Variants in L3MBTL4 observed in about 807,000 individuals in gnomAD.
L3MBTL4 encodes the protein L3MBTL histone methyl-lysine binding protein 4.
Under a neutral mutation model 84.5 loss-of-function variants are expected in L3MBTL4, and 70 were observed. The ratio of observed to expected loss-of-function variants is 0.83; its 90% CI spans 0.68 to 1.01. The LOEUF (loss-of-function observed/expected upper bound fraction) is 1.01, where lower values mean the gene tolerates loss of function less well. L3MBTL4 is among the 50% of genes least tolerant of loss of function. L3MBTL4 has a pLI of 0.00. For missense variants in L3MBTL4, 715 were observed against 754.8 expected (o/e 0.95, Z 0.62); for synonymous variants, 274 against 259.8 (o/e 1.05, Z -0.52).
At position 5,956,032 on chromosome 18, in the gene L3MBTL4, C is replaced by T; in HGVS notation, c.*188G>A. The T allele has an allele frequency of 1.7e-6, 1 of 574,088 alleles. No homozygotes were observed. The highest frequency in any genetic ancestry group is 3.1e-6 in the Non-Finnish European group (1 of 327,480). The allele number at this position is 574,088 out of a possible 1,614,324, so 35.6% of individuals were successfully genotyped here. ...AACCAAACCCACAGATGGGCCTAAG[C>T]CTCTGAGTCATTGGCACTGGACCAG... On this transcript the variant is annotated 3_prime_UTR_variant, in exon 19 of 19. Coordinates refer to ENST00000317931, the MANE Select transcript of L3MBTL4 (RefSeq NM_001330559.2).
intron 14 of L3MBTL4, among the ~76,000 whole-genome samples, chr18:6,103,994 G>A (rs1034684976): frequency 1.2e-4 from 19 of 152,256 alleles, no homozygotes; most frequent in Non-Finnish European, 2.6e-4. Flanking sequence ...CATGCTCTGC[G>A]GAGTCCTGTG....
rs201529911 is a variant in L3MBTL4 at position 6,071,744 on chromosome 18, GGAAAGAAAGAAAGAAAAAAAGAAA to G, written c.1444+9113_1444+9136del. ...AAGAAAGAAGGAAAGAAAGAAGGAA[GGAAAGAAAGAAAGAAAAAAAGAAA>G]GAAAGAAAGAAAGAAAGAAAGAAAG... On this transcript the variant is annotated intron_variant, in intron 16 of 18. Coordinates refer to ENST00000317931, the MANE Select transcript of L3MBTL4 (RefSeq NM_001330559.2). Among the ~76,000 whole-genome samples the G allele has an allele frequency of 1.7e-4, 7 of 40,104 alleles. No homozygotes were observed. In the South Asian group the frequency reaches 3.4e-3, roughly 19 times the overall value. The allele number at this position is 40,104 out of a possible 152,430, so 26.3% of individuals were successfully genotyped here. A position where few individuals can be genotyped will look rare whatever the true frequency, so the allele number is the denominator to read the frequency against.
At position 6,068,235 on chromosome 18, in the gene L3MBTL4, A is replaced by G. The variant is rs77639918; in HGVS notation, c.1444+12646T>C. ...TGGTGTACACCTTTTTATTTATTTA[A>G]TTTTTTCCCAGTATTTTATTTACTA... On this transcript the variant is annotated intron_variant, in intron 16 of 18. Transcript: ENST00000317931. Among the ~76,000 whole-genome samples the G allele has an allele frequency of 4.2e-3, 644 of 151,858 alleles. 11 individuals carry two copies. Among genetic ancestry groups the G allele is most frequent in the East Asian group, 0.04 (207 of 5,148 alleles).
chr18:5,972,877 T>C lies in L3MBTL4; in HGVS notation c.1445-3315A>G, dbSNP rs1230703453. ...TAGAATAGTATAGAATAGAATAGAA[T>C]AGAATAGAACAGAAGAGAATAGAAT... On this transcript the variant is annotated intron_variant, in intron 16 of 18. Transcript: ENST00000317931. Among the ~76,000 whole-genome samples, 7 of 76,238 alleles carry C rather than the reference T, an allele frequency of 9.2e-5. No individual in the cohort carries two copies. In the South Asian group the frequency reaches 2.7e-3, roughly 30 times the overall value. The allele number at this position is 76,238 out of a possible 152,430, so 50.0% of individuals were successfully genotyped here. A position where few individuals can be genotyped will look rare whatever the true frequency, so the allele number is the denominator to read the frequency against.
chr18:6,389,068 T>C (rs1389540657), intron 1 of L3MBTL4, among the ~76,000 whole-genome samples: 1 of 152,188 alleles, frequency 6.6e-6, no homozygotes, highest in Non-Finnish European at 1.5e-5. Context: ...GGTATCACTT[T>C]TAAAATAATG....
At chr18:6,331,300 C>A (rs750257874) in intron 1 of L3MBTL4, among the ~76,000 whole-genome samples, 2 of 152,122 alleles carry the variant, frequency 1.3e-5, no homozygotes, top group African/African-American at 2.4e-5. Context: ...TGGACCACCC[C>A]ATTAAAACAC....
At chr18:6,322,905 G>T (rs140507921) in intron 1 of L3MBTL4, among the ~76,000 whole-genome samples, 1 of 152,182 alleles carries the variant, frequency 6.6e-6, no homozygotes, top group Non-Finnish European at 1.5e-5. Context: ...GTAATCCTCA[G>T]TGTTGGAGGT....
At chr18:5,962,102 G>A (rs2095266458) in intron 17 of L3MBTL4, among the ~76,000 whole-genome samples, 2 of 152,142 alleles carry the variant, frequency 1.3e-5, no homozygotes, top group Admixed American at 1.3e-4. Context: ...ATTAGCGGTG[G>A]AGGATTGAGG....
intron 16 of L3MBTL4, among the ~76,000 whole-genome samples, chr18:6,027,559 G>C (rs2055568936): frequency 6.6e-6 from 1 of 152,182 alleles, no homozygotes; most frequent in Non-Finnish European, 1.5e-5. Flanking sequence ...CCCAGTAATG[G>C]GATTGCTGGG....
chr18:6,409,207 A>C (rs2055863756), intron 1 of L3MBTL4, among the ~76,000 whole-genome samples: 1 of 152,190 alleles, frequency 6.6e-6, no homozygotes, highest in Non-Finnish European at 1.5e-5. Context: ...ATGGGCTTTA[A>C]TTGGCATCAG....
chr18:6,131,786 A>G (rs2059885676), intron 14 of L3MBTL4, among the ~76,000 whole-genome samples: 1 of 152,206 alleles, frequency 6.6e-6, no homozygotes, highest in Non-Finnish European at 1.5e-5. Context: ...AAAAGATACT[A>G]TCCAAGGTTG....
intron 1 of L3MBTL4, among the ~76,000 whole-genome samples, chr18:6,313,785 T>A (rs976930607): frequency 4.6e-5 from 7 of 152,104 alleles, no homozygotes; most frequent in Non-Finnish European, 8.8e-5. Flanking sequence ...TTGATTTGTT[T>A]AAAACAGCAA....
chr18:6,409,179 A>G (rs186385384), intron 1 of L3MBTL4, among the ~76,000 whole-genome samples: 11 of 152,360 alleles, frequency 7.2e-5, no homozygotes, highest in African/African-American at 2.2e-4. Context: ...CAGGAGTCAG[A>G]TAGCTGCTCT....
intron 12 of L3MBTL4, among the ~76,000 whole-genome samples, chr18:6,188,843 G>A (rs538400246): frequency 2.6e-5 from 4 of 152,354 alleles, no homozygotes; most frequent in African/African-American, 9.6e-5. Flanking sequence ...GATCACTAGA[G>A]GGAGTACAGG....
chr18:6,012,755 A>C (rs2054795147), intron 16 of L3MBTL4, among the ~76,000 whole-genome samples: 1 of 152,190 alleles, frequency 6.6e-6, no homozygotes, highest in Non-Finnish European at 1.5e-5. Context: ...CCTACACCAC[A>C]GAGCAAGACC....
chr18:5,978,413 A>G lies in L3MBTL4; in HGVS notation c.1445-8851T>C, dbSNP rs142438435. ...TATTATCTGCTTCACACAGCTTGAG[A>G]CATCATTAATTAACTTATTTTGATC... On this transcript the variant is annotated intron_variant, in intron 16 of 18. Transcript: ENST00000317931. 3.1e-3 allele frequency among the ~76,000 whole-genome samples: 477 copies of G among 152,272 alleles called. 5 individuals are homozygous for G. Among genetic ancestry groups the G allele is most frequent in the African/African-American group, 0.011 (463 of 41,544 alleles).
intron 16 of L3MBTL4, chr18:6,031,912 G>T: frequency 1.2e-6 from 1 of 827,372 alleles, no homozygotes; most frequent in Non-Finnish European, 1.5e-6. Flanking sequence ...TAGAGTAATG[G>T]TCACCTGCAT....
At chr18:6,157,918 C>A (rs1045815851) in intron 13 of L3MBTL4, among the ~76,000 whole-genome samples, 1 of 152,166 alleles carries the variant, frequency 6.6e-6, no homozygotes, top group Non-Finnish European at 1.5e-5. Context: ...TGCCTATCAA[C>A]TTCCTATTTA....
chr18:6,256,959 G>C (rs1231007423), intron 5 of L3MBTL4: 1 of 152,360 alleles, frequency 6.6e-6, no homozygotes, highest in Non-Finnish European at 1.5e-5. Flanking sequence ...AGAGCACACA[G>C]GGCTACCAAG....
Sources: gnomAD v4.1 joint callset for allele counts (sites outside exome capture counted in the v4.1 genomes callset) on GRCh38, gnomAD v4.1.1 for gene constraint, MANE v1.5 for transcripts, NCBI Gene and HGNC (gene_info 2026-07-23, HGNC 2026-07-21) for gene names.